DCAF6: variants seen among roughly 807,000 people sequenced by gnomAD.
DCAF6 encodes the protein DDB1 and CUL4 associated factor 6.
A neutral mutation model predicts 125.1 loss-of-function variants in DCAF6; 54 were observed. That is an observed-to-expected ratio of 0.43 (90% CI 0.35 to 0.54). DCAF6 has a LOEUF of 0.54. Among genes scored for constraint, DCAF6 ranks in the 20% least tolerant of loss-of-function variants. The probability of loss-of-function intolerance (pLI) is 0.01; values close to 1 mark genes in which losing one functional copy is unlikely to be tolerated. For missense variants in DCAF6, 934 were observed against 1,161.7 expected (o/e 0.80, Z 2.85); for synonymous variants, 371 against 390.4 (o/e 0.95, Z 0.58).
intron 1 of DCAF6, among the ~76,000 whole-genome samples, chr1:167,940,805 TAA>T (rs968882858): frequency 1.3e-5 from 2 of 150,472 alleles, no homozygotes; most frequent in African/African-American, 4.9e-5. Flanking sequence ...TAGTAATTGA[TAA>T]AAAAGTAATT....
At chr1:168,044,834 A>C (rs1253566518) in intron 15 of DCAF6, 66 bp from the exon 16 acceptor site, 1 of 1,544,320 alleles carries the variant, frequency 6.5e-7, no homozygotes, top group African/African-American at 1.4e-5. Context: ...TGAGCTCCTA[A>C]GTTAGGTTAA....
chr1:167,951,909 T>C, intron 2 of DCAF6, 48 bp downstream of exon 2: 1 of 1,273,516 alleles, frequency 7.9e-7, no homozygotes, highest in South Asian at 1.3e-5. Context: ...ATACTAAGTG[T>C]TTAAGTGTTT....
chr1:167,958,235 C>A (rs1675061135), intron 2 of DCAF6, among the ~76,000 whole-genome samples: 1 of 152,012 alleles, frequency 6.6e-6, no homozygotes, highest in Non-Finnish European at 1.5e-5. Context: ...AAGATTTATA[C>A]CTGTTTTCTT....
intron 16 of DCAF6, among the ~76,000 whole-genome samples, chr1:168,049,961 ATTTT>A (rs543375182): frequency 7.2e-6 from 1 of 139,820 alleles, no homozygotes. Context: ...AGGCTGTATA[ATTTT>A]TTTTTTTTTT....
At chr1:167,933,911 G>A (rs1025606969), upstream of DCAF6, among the ~76,000 whole-genome samples, 1 of 152,142 alleles carries the variant, frequency 6.6e-6, no homozygotes, top group Non-Finnish European at 1.5e-5. Context: ...ACATGTTTTA[G>A]AGACATTAGA....
rs572718196 is a variant in DCAF6, at chr1:168,016,294, G to A, written c.1549+343G>A. Among the ~76,000 whole-genome samples the A allele has an allele frequency of 2.6e-5, 4 of 152,260 alleles. No individual in the cohort carries two copies. In the East Asian group the frequency reaches 7.7e-4, roughly 29 times the overall value. The stretch of plus-strand genomic sequence containing the variant: ...TTTCTATTGAAAGTTTGCATATGCT[G>A]AAATGAATCTATGCTTTATGGCTCC... On this transcript the variant is annotated intron_variant, in intron 11 of 21. Transcript: ENST00000367840.
At chr1:167,903,952 T>C in the DCAF6 span, 1 of 1,614,080 alleles carries the variant, frequency 6.2e-7, no homozygotes, top group Non-Finnish European at 8.5e-7. Flanking sequence ...TCTGTCCATG[T>C]ACATGGCACT....
chr1:167,940,720 T>G (rs1182028309), intron 1 of DCAF6, among the ~76,000 whole-genome samples: 1 of 152,162 alleles, frequency 6.6e-6, no homozygotes, highest in Non-Finnish European at 1.5e-5. Flanking sequence ...TTCAATACAT[T>G]GCTTGTTTCT....
intron 5 of DCAF6, among the ~76,000 whole-genome samples, chr1:167,988,915 C>CA (rs1490057515): frequency 1.4e-5 from 2 of 145,524 alleles, no homozygotes; most frequent in Non-Finnish European, 3.1e-5. Flanking sequence ...CCTGTCTCTA[C>CA]AAAAAATACA....
chr1:167,917,485 C>G, the DCAF6 span: 1 of 152,122 alleles, frequency 6.6e-6, no homozygotes, highest in African/African-American at 2.4e-5. Flanking sequence ...GTAGTCCCAG[C>G]TGCTCGGGAG....
the DCAF6 span, chr1:167,904,076 C>A: frequency 5.7e-6 from 4 of 702,324 alleles, no homozygotes; most frequent in African/African-American, 1.9e-5. Flanking sequence ...AGGCAGCGGG[C>A]CTCAGCTTTT....
At chr1:167,896,757 T>C in the DCAF6 span, 4 of 1,135,202 alleles carry the variant, frequency 3.5e-6, no homozygotes, top group Non-Finnish European at 5.4e-6. Flanking sequence ...GAAGTGTAAT[T>C]TCTTAGCAGA....
chr1:168,024,307 A>G (rs1015064981), intron 12 of DCAF6, among the ~76,000 whole-genome samples: 1 of 152,112 alleles, frequency 6.6e-6, no homozygotes, highest in East Asian at 1.9e-4. Flanking sequence ...CATTTTTTAA[A>G]AAATTAGCAC....
At chr1:167,919,623 AAATT>A in the DCAF6 span, among the ~76,000 whole-genome samples, 1 of 152,214 alleles carries the variant, frequency 6.6e-6, no homozygotes, top group African/African-American at 2.4e-5. Context: ...TTTACATAAG[AAATT>A]AATAAATCAT....
upstream of DCAF6, among the ~76,000 whole-genome samples, chr1:167,931,725 C>G (rs78192411): frequency 6.1e-3 from 921 of 152,078 alleles, 4 homozygotes; most frequent in African/African-American, 0.021. Context: ...TATAATAGAA[C>G]AATATATATT....
At chr1:168,037,968 A>C (rs570776158) in intron 12 of DCAF6, among the ~76,000 whole-genome samples, 1 of 152,216 alleles carries the variant, frequency 6.6e-6, no homozygotes, top group Non-Finnish European at 1.5e-5. Flanking sequence ...TGTATCTTAC[A>C]TCTCAGTGTT....
the DCAF6 span, chr1:167,896,552 C>T: frequency 6.8e-7 from 1 of 1,471,692 alleles, no homozygotes; most frequent in African/African-American, 1.4e-5. Flanking sequence ...ACCCTACTGA[C>T]CACTGGTAGA....
intron 1 of DCAF6, among the ~76,000 whole-genome samples, chr1:167,937,525 A>T (rs756603326): frequency 6.6e-6 from 1 of 151,400 alleles, no homozygotes; most frequent in Non-Finnish European, 1.5e-5. Flanking sequence ...CTGAGCCAAA[A>T]CCTAAAAGTG....
intron 9 of DCAF6, among the ~76,000 whole-genome samples, chr1:168,004,248 T>G (rs190569750): frequency 4.6e-5 from 7 of 152,134 alleles, no homozygotes; most frequent in Non-Finnish European, 1.0e-4. Context: ...TTTTAAGCCT[T>G]TTTTTAATGC....
Sources: allele counts gnomAD v4.1 joint callset (sites outside exome capture counted in the v4.1 genomes callset), GRCh38; gene constraint gnomAD v4.1.1; transcripts MANE v1.5; gene names NCBI Gene and HGNC (gene_info 2026-07-23, HGNC 2026-07-21).